The following PGR variants were observed in gnomAD, a reference collection of about 807,000 sequenced individuals.
The protein encoded by PGR is progesterone receptor.
A neutral mutation model predicts 76.1 loss-of-function variants in PGR; 25 were observed. The observed-to-expected ratio is 0.33, with a 90% CI of 0.24 to 0.46. The LOEUF (loss-of-function observed/expected upper bound fraction) is 0.46. PGR is among the 20% of genes least tolerant of loss of function. The probability of loss-of-function intolerance (pLI) is 1.00; values close to 1 mark genes in which losing one functional copy is unlikely to be tolerated. For missense variants in PGR, 1,172 were observed against 1,225.3 expected (o/e 0.96, Z 0.65); for synonymous variants, 579 against 535.0 (o/e 1.08, Z -1.14).
intron 3 of PGR, among the ~76,000 whole-genome samples, chr11:101,086,650 T>C (rs1861511373): frequency 6.6e-6 from 1 of 152,168 alleles, no homozygotes; most frequent in Admixed American, 6.5e-5. Context: ...AAACTATCTC[T>C]CTTGCATATT....
At chr11:101,039,321 C>G (rs1439080161) in intron 7 of PGR, 50 bp from the exon 8 acceptor site, 1 of 1,337,466 alleles carries the variant, frequency 7.5e-7, no homozygotes, top group Non-Finnish European at 1.1e-6. Context: ...ATAATAAATT[C>G]ATATGCTATT....
chr11:101,128,155 C>G lies in PGR; in HGVS notation c.916G>C (p.Val306Leu), dbSNP rs1380505844. 11 of 1,598,326 alleles carry G rather than the reference C, an allele frequency of 6.9e-6. No individual in the cohort carries two copies. The highest frequency in any genetic ancestry group is 9.3e-6 in the Non-Finnish European group (11 of 1,179,740). ...LATTVMDFIH[V>L]PILPLNHALL... ...GCGTGATTGAGAGGCAGGATAGGCA[C>G]GTGGATGAAATCCATCACCGTGGTG... Residue 306 changes from valine (V) to leucine (L), a missense_variant, in exon 1 of 8, where the codon GTG becomes CTG. By Grantham distance (32) the Val-to-Leu change is conservative. This residue lies in a region of PGR where 893 missense variants were observed against 785.9 expected (regional missense o/e 1.14). Transcript: ENST00000325455.
intron 3 of PGR, among the ~76,000 whole-genome samples, chr11:101,066,054 T>C (rs1039277549): frequency 3.9e-5 from 6 of 152,188 alleles, no homozygotes; most frequent in African/African-American, 7.2e-5. Flanking sequence ...CTCAGGGACT[T>C]TTCTCTGAAA....
intron 4 of PGR, among the ~76,000 whole-genome samples, chr11:101,056,241 A>G (rs1347088287): frequency 2.9e-5 from 2 of 69,292 alleles, no homozygotes; most frequent in Non-Finnish European, 6.6e-5. Flanking sequence ...GTTAAAAAAA[A>G]AAACACTTTT....
At chr11:101,109,541 A>C (rs1240677264) in intron 2 of PGR, among the ~76,000 whole-genome samples, 2 of 152,204 alleles carry the variant, frequency 1.3e-5, no homozygotes, top group Non-Finnish European at 2.9e-5. Context: ...GCAAGGCCAT[A>C]ATTCTCTTCA....
intron 3 of PGR, among the ~76,000 whole-genome samples, chr11:101,070,911 C>T (rs572526633): frequency 6.6e-6 from 1 of 152,320 alleles, no homozygotes; most frequent in Admixed American, 6.5e-5. Flanking sequence ...CAGACTTAAA[C>T]GTTCCTGCCT....
chr11:101,041,647 CT>C, intron 7 of PGR: 1 of 320,622 alleles, frequency 3.1e-6, no homozygotes, highest in Non-Finnish European at 5.8e-6. Flanking sequence ...TATATAAAAT[CT>C]TTTATAATTT....
intron 3 of PGR, among the ~76,000 whole-genome samples, chr11:101,089,214 G>GA (rs1323175796): frequency 1.3e-5 from 2 of 151,954 alleles, no homozygotes; most frequent in Admixed American, 6.6e-5. Context: ...GCGATAGCTG[G>GA]AAAAAAATGG....
chr11:101,067,349 T>C (rs1860757056), intron 3 of PGR, among the ~76,000 whole-genome samples: 1 of 152,166 alleles, frequency 6.6e-6, no homozygotes. Context: ...AACAGATATT[T>C]CACAGAGGAA....
chr11:101,125,151 T>A (rs2135508906), intron 2 of PGR, among the ~76,000 whole-genome samples: 1 of 152,260 alleles, frequency 6.6e-6, no homozygotes, highest in South Asian at 2.1e-4. Flanking sequence ...AGAATACATT[T>A]ATTGCTGGTA....
Position 101,051,580 on chromosome 11 carries a change from A to G in PGR, c.2213-12T>C, listed in dbSNP as rs1860090329. On this transcript the variant is annotated splice_polypyrimidine_tract_variant and intron_variant, in intron 4 of 7. Coordinates refer to ENST00000325455, the MANE Select transcript of PGR (RefSeq NM_000926.4). Reference sequence around the variant, plus strand: ...TAAGTTTCGAAAACCTACAAAACAAATTTAAAAATACAGTGACCATAAAAA... The same window carrying G: ...TAAGTTTCGAAAACCTACAAAACAAGTTTAAAAATACAGTGACCATAAAAA... 6.3e-7 allele frequency: 1 copy of G among 1,581,986 alleles called. No homozygotes were observed. The highest frequency in any genetic ancestry group is 8.7e-7 in the Non-Finnish European group (1 of 1,151,656).
At position 101,038,553 on chromosome 11, in the gene PGR, A is replaced by T. The variant is rs1859588538; in HGVS notation, c.*563T>A. 1 of 229,836 alleles carries T rather than the reference A, an allele frequency of 4.4e-6. No homozygotes were observed. Among genetic ancestry groups the T allele is most frequent in the African/African-American group, 2.2e-5 (1 of 45,140 alleles). 14.2% of individuals were successfully genotyped at this position (229,836 alleles called of 1,614,324 possible). ...TGAGTTGTTTTGCCTAGTTTGAAGAACATCAATCTATTTTAGTGGTTTTAA... is the reference window on the plus strand; with the variant it reads ...TGAGTTGTTTTGCCTAGTTTGAAGATCATCAATCTATTTTAGTGGTTTTAA... On this transcript the variant is annotated 3_prime_UTR_variant, in exon 8 of 8. Coordinates refer to ENST00000325455, the MANE Select transcript of PGR (RefSeq NM_000926.4).
At chr11:101,116,999 C>G (rs1862534014) in intron 2 of PGR, among the ~76,000 whole-genome samples, 1 of 152,088 alleles carries the variant, frequency 6.6e-6, no homozygotes, top group Non-Finnish European at 1.5e-5. Flanking sequence ...ATTTGCTAAT[C>G]TCTTTTTAAC....
intron 4 of PGR, among the ~76,000 whole-genome samples, chr11:101,051,969 G>A (rs1042917858): frequency 6.6e-6 from 1 of 152,104 alleles, no homozygotes; most frequent in South Asian, 2.1e-4. Flanking sequence ...CTGGGGTAGA[G>A]AAGGTTAAAA....
At position 101,035,211 on chromosome 11, in the gene PGR, C is replaced by A. The variant is rs1476129356; in HGVS notation, c.*3905G>T. ...ACCACAGTTGTTGAGCTATTGAATA[C>A]AAAAATAGAGTATCTTTAAATTTGA... On this transcript the variant is annotated 3_prime_UTR_variant, in exon 8 of 8. Transcript: ENST00000325455. The A allele has an allele frequency of 1.8e-5, 4 of 219,016 alleles. No homozygotes were observed. The highest frequency in any genetic ancestry group is 9.0e-5 in the African/African-American group (4 of 44,498). The allele number at this position is 219,016 out of a possible 1,614,324, so 13.6% of individuals were successfully genotyped here.
intron 2 of PGR, among the ~76,000 whole-genome samples, chr11:101,093,830 T>C (rs974402256): frequency 6.6e-6 from 1 of 152,228 alleles, no homozygotes; most frequent in Non-Finnish European, 1.5e-5. Context: ...AGAGAGGCTG[T>C]CCTACTGTCT....
intron 1 of PGR, among the ~76,000 whole-genome samples, 168 bp downstream of exon 1, chr11:101,127,266 G>A (rs1862869991): frequency 6.6e-6 from 1 of 152,196 alleles, no homozygotes; most frequent in South Asian, 2.1e-4. Flanking sequence ...GAGGAGGGAA[G>A]AAGAAGGGAG....
At chr11:101,042,206 ACT>A in intron 6 of PGR, 104 bp from the exon 7 acceptor site, 2 of 1,196,862 alleles carry the variant, frequency 1.7e-6, no homozygotes, top group African/African-American at 1.5e-5. Context: ...CTGATACATG[ACT>A]CTAGAAAAAA....
intron 3 of PGR, among the ~76,000 whole-genome samples, chr11:101,088,898 T>C (rs1305802002): frequency 6.6e-6 from 1 of 152,148 alleles, no homozygotes; most frequent in African/African-American, 2.4e-5. Flanking sequence ...TGGATGTAGC[T>C]GTAGGCCAAG....
Sources: allele counts gnomAD v4.1 joint callset (sites outside exome capture counted in the v4.1 genomes callset), GRCh38; gene constraint gnomAD v4.1.1; regional missense constraint gnomAD v4.1.1; transcripts MANE v1.5; gene names NCBI Gene and HGNC (gene_info 2026-07-23, HGNC 2026-07-21).